The following SPIN1 variants were observed in gnomAD, a reference collection of about 807,000 sequenced individuals.
SPIN1 encodes the protein spindlin 1, also known as spindlin-1.
Under a neutral mutation model 26.0 loss-of-function variants are expected in SPIN1, and 3 were observed. The observed-to-expected ratio is 0.12, with a 90% confidence interval of 0.05 to 0.30. SPIN1 has a LOEUF of 0.30. Among genes scored for constraint, SPIN1 ranks in the 10% least tolerant of loss-of-function variants. SPIN1 has a pLI of 1.00. For synonymous variants in SPIN1, 101 were observed against 116.5 expected (o/e 0.87, Z 0.86); for missense variants, 126 against 333.4 (o/e 0.38, Z 4.84).
intron 1 of SPIN1, among the ~76,000 whole-genome samples, chr9:88,407,068 C>T (rs1163569432): frequency 6.6e-6 from 1 of 151,322 alleles, no homozygotes; most frequent in African/African-American, 2.4e-5. Context: ...TGCTTCCCAC[C>T]TTTTGTGTAA....
intron 2 of SPIN1, among the ~76,000 whole-genome samples, chr9:88,429,597 C>G (rs1443885638): frequency 6.6e-6 from 1 of 152,146 alleles, no homozygotes; most frequent in Non-Finnish European, 1.5e-5. Context: ...GCAAGGCATG[C>G]AGGAAGGGGC....
intron 5 of SPIN1, among the ~76,000 whole-genome samples, chr9:88,468,949 T>G (rs1828723475): frequency 6.6e-6 from 1 of 152,216 alleles, no homozygotes; most frequent in South Asian, 2.1e-4. Flanking sequence ...AACAGTTATC[T>G]CATCGCCTGT....
intron 1 of SPIN1, among the ~76,000 whole-genome samples, chr9:88,413,070 T>G (rs917661190): frequency 6.8e-6 from 1 of 146,636 alleles, no homozygotes; most frequent in Non-Finnish European, 1.5e-5. Flanking sequence ...ATTAAGTTTT[T>G]TTTTTTTTTT....
chr9:88,450,862 A>G (rs1243961926), intron 3 of SPIN1, among the ~76,000 whole-genome samples: 1 of 152,134 alleles, frequency 6.6e-6, no homozygotes, highest in Non-Finnish European at 1.5e-5. Context: ...TATTTTTCAC[A>G]TGGAGTGAGC....
intron 3 of SPIN1, among the ~76,000 whole-genome samples, chr9:88,460,477 T>C (rs1587812760): frequency 6.6e-6 from 1 of 152,338 alleles, no homozygotes; most frequent in African/African-American, 2.4e-5. Context: ...CGTTGGGAAA[T>C]AGATAAAATA....
chr9:88,445,837 C>T (rs7857259), intron 2 of SPIN1, among the ~76,000 whole-genome samples: 28,789 of 151,896 alleles, frequency 0.19, 3,649 homozygotes, highest in African/African-American at 0.36. Context: ...CACCATGCTC[C>T]GCCTGAGACC....
intron 2 of SPIN1, among the ~76,000 whole-genome samples, chr9:88,430,935 T>C (rs1587793733): frequency 6.7e-6 from 1 of 149,928 alleles, no homozygotes; most frequent in South Asian, 2.1e-4. Context: ...CAGGCTGGAG[T>C]GCAATGGCAC....
intron 2 of SPIN1, among the ~76,000 whole-genome samples, chr9:88,440,952 C>T (rs185364616): frequency 1.3e-5 from 2 of 151,708 alleles, no homozygotes; most frequent in Admixed American, 6.6e-5. Flanking sequence ...CGCCCCCTCC[C>T]CAAGCCTACT....
intron 1 of SPIN1, among the ~76,000 whole-genome samples, chr9:88,401,633 TTA>T (rs1327603640): frequency 6.6e-6 from 1 of 152,154 alleles, no homozygotes; most frequent in Non-Finnish European, 1.5e-5. Flanking sequence ...GGAAAAAACT[TTA>T]TGTGTTTGGT....
chr9:88,460,246 CCGT>C (rs1478218079), intron 3 of SPIN1, among the ~76,000 whole-genome samples: 1 of 152,050 alleles, frequency 6.6e-6, no homozygotes, highest in African/African-American at 2.4e-5. Flanking sequence ...ACTTTTGTCC[CCGT>C]CTGTCCCCTT....
chr9:88,452,908 C>T (rs1444686595), intron 3 of SPIN1, among the ~76,000 whole-genome samples: 3 of 152,158 alleles, frequency 2.0e-5, no homozygotes, highest in African/African-American at 7.2e-5. Flanking sequence ...CCAAGAGTAT[C>T]AGTAATTAAT....
intron 3 of SPIN1, among the ~76,000 whole-genome samples, chr9:88,454,906 GTTTTTTGCCTTCAGCC>G (rs367633854): frequency 5.5e-4 from 84 of 152,222 alleles, no homozygotes; most frequent in African/African-American, 2.0e-3. Context: ...CTAATTACTC[GTTTTTTGCCTTCAGCC>G]TTGAGGGGAA....
Position 88,476,994 on chromosome 9 carries a change from A to G in SPIN1, c.*1717A>G, listed in dbSNP as rs1325860279. 3.3e-5 allele frequency: 5 copies of G among 152,028 alleles called. No homozygotes were observed. In the East Asian group the frequency reaches 5.8e-4, roughly 18 times the overall value. 9.4% of individuals were successfully genotyped at this position (152,028 alleles called of 1,614,324 possible). A position where few individuals can be genotyped will look rare whatever the true frequency, so the allele number is the denominator to read the frequency against. ...CTTGTGCTGTTGGATGGTAACGACC[A>G]CTCACCATGTAAACACAGTACCTCA... On this transcript the variant is annotated 3_prime_UTR_variant, in exon 6 of 6. Coordinates refer to ENST00000375859, the MANE Select transcript of SPIN1 (RefSeq NM_006717.3).
intron 1 of SPIN1, among the ~76,000 whole-genome samples, chr9:88,397,457 C>T (rs903553431): frequency 1.3e-5 from 2 of 152,074 alleles, no homozygotes; most frequent in African/African-American, 4.8e-5. Flanking sequence ...TTCTTTTCCT[C>T]TGCCTGGAAT....
At position 88,462,512 on chromosome 9, in the gene SPIN1, G is replaced by T. The variant is rs758414581; in HGVS notation, c.118G>T (p.Val40Leu). The T allele has an allele frequency of 2.2e-5, 36 of 1,614,012 alleles. No homozygotes were observed. In the South Asian group the frequency reaches 3.5e-4, roughly 16 times the overall value. ...TGAATACAGAAAACATCGGAGCAGT[G>T]TGGGTCCGAGCAAACCTGTTTCCCA... ...RTSHKKHRSS[V>L]GPSKPVSQPR... The change falls in exon 4 of 6, where the codon GTG (valine) becomes TTG (leucine). Residue 40 changes from valine (V) to leucine (L), a missense_variant. Physicochemically the swap from Val to Leu is conservative, Grantham distance 32. Coordinates refer to ENST00000375859, the MANE Select transcript of SPIN1 (RefSeq NM_006717.3).
chr9:88,423,207 A>C (rs1460194119), intron 1 of SPIN1, among the ~76,000 whole-genome samples: 1 of 152,250 alleles, frequency 6.6e-6, no homozygotes, highest in Non-Finnish European at 1.5e-5. Context: ...AGGAGGGTAC[A>C]TACTTCAGAA....
intron 1 of SPIN1, chr9:88,411,575 A>G (rs566088769): frequency 8.4e-6 from 5 of 593,884 alleles, no homozygotes; most frequent in Non-Finnish European, 1.5e-5. Context: ...GTGCAGTGGC[A>G]TGATCTTGGC....
chr9:88,400,112 T>G (rs1470482136), intron 1 of SPIN1, among the ~76,000 whole-genome samples: 2 of 152,128 alleles, frequency 1.3e-5, no homozygotes, highest in Non-Finnish European at 2.9e-5. Flanking sequence ...TGGCCTCCCT[T>G]TGGGTAGTTG....
chr9:88,478,438 T>C lies in SPIN1; in HGVS notation c.*3161T>C, dbSNP rs1828925079. 1 of 152,658 alleles carries C rather than the reference T, an allele frequency of 6.6e-6. No individual in the cohort carries two copies. The highest frequency in any genetic ancestry group is 2.1e-4 in the South Asian group (1 of 4,838). The allele number at this position is 152,658 out of a possible 1,614,324, so 9.5% of individuals were successfully genotyped here. On this transcript the variant is annotated 3_prime_UTR_variant, in exon 6 of 6. Transcript: ENST00000375859. ...TGCGCTCTTTGTGTTTTTCCATCATTAGTGCAGTTGGAATGAATGTGTATA... is the reference window on the plus strand; with the variant it reads ...TGCGCTCTTTGTGTTTTTCCATCATCAGTGCAGTTGGAATGAATGTGTATA...
Sources: allele counts gnomAD v4.1 joint callset (sites outside exome capture counted in the v4.1 genomes callset), GRCh38; gene constraint gnomAD v4.1.1; transcripts MANE v1.5; gene names NCBI Gene and HGNC (gene_info 2026-07-23, HGNC 2026-07-21).